Variants in LPP observed in about 807,000 individuals in gnomAD.
LPP encodes lipoma-preferred partner.
A neutral mutation model predicts 60.4 loss-of-function variants in LPP; 38 were observed. That is an observed-to-expected ratio of 0.63 (90% CI 0.49 to 0.83). LPP has a LOEUF of 0.83. Among genes scored for constraint, LPP ranks in the 40% least tolerant of loss-of-function variants. The probability of loss-of-function intolerance (pLI) is 0.00; values close to 1 mark genes in which losing one functional copy is unlikely to be tolerated. For missense variants in LPP, 902 were observed against 783.6 expected (o/e 1.15, Z -1.80); for synonymous variants, 328 against 290.8 (o/e 1.13, Z -1.30).
Position 188,497,552 on chromosome 3 carries a change from G to A in LPP, c.306+12848G>A, listed in dbSNP as rs367845922. 6.9e-4 allele frequency among the ~76,000 whole-genome samples: 105 copies of A among 152,276 alleles called. 4 individuals carry two copies. The South Asian group carries it at 0.021, about 30-fold the overall frequency. ...AGAATGAGAAACTATCCCCTGAATA[G>A]AGATTTAGTGATTCAAGCCATCACT... On this transcript the variant is annotated intron_variant, in intron 5 of 11. Coordinates refer to ENST00000617246, the MANE Select transcript of LPP (RefSeq NM_001375462.1).
chr3:188,510,843 A>G (rs1815252920), intron 5 of LPP, among the ~76,000 whole-genome samples: 1 of 152,158 alleles, frequency 6.6e-6, no homozygotes, highest in Non-Finnish European at 1.5e-5. Flanking sequence ...CTGTCGCCAT[A>G]TAGCTCTCTC....
intron 5 of LPP, 43 bp downstream of exon 5, chr3:188,484,747 TA>T (rs758051167): frequency 8.9e-6 from 13 of 1,453,030 alleles, no homozygotes; most frequent in African/African-American, 1.4e-5. Context: ...GAGCTGAAGT[TA>T]AAGTCATGTT....
chr3:188,225,378 T>G lies in LPP; in HGVS notation c.-189-27T>G, dbSNP rs1189216015. 7 of 152,162 alleles carry G rather than the reference T, an allele frequency of 4.6e-5. No individual in the cohort carries two copies. The South Asian group carries it at 1.4e-3, about 31-fold the overall frequency. 9.4% of individuals were successfully genotyped at this position (152,162 alleles called of 1,614,324 possible). ...AGCTGGTTAAGACCCTAGAGATACA[T>G]AAGCAACACCCTTCTGTTTTTCATA... On this transcript the variant is annotated intron_variant, in intron 1 of 11. Transcript: ENST00000617246.
At chr3:188,192,725 C>T (rs1227758126) in intron 1 of LPP, among the ~76,000 whole-genome samples, 1 of 152,162 alleles carries the variant, frequency 6.6e-6, no homozygotes, top group Non-Finnish European at 1.5e-5. Flanking sequence ...CACTGTATGG[C>T]CTCTCTCTCC....
At chr3:188,277,395 G>T (rs1294377262) in intron 2 of LPP, among the ~76,000 whole-genome samples, 1 of 152,106 alleles carries the variant, frequency 6.6e-6, no homozygotes, top group East Asian at 1.9e-4. Context: ...CATCTCTCAG[G>T]AAATATTCCT....
intron 1 of LPP, among the ~76,000 whole-genome samples, chr3:188,224,437 C>T (rs1463073605): frequency 6.6e-6 from 1 of 152,102 alleles, no homozygotes; most frequent in Non-Finnish European, 1.5e-5. Context: ...TGTCTGTTGG[C>T]ATACATACTG....
At chr3:188,191,566 G>A (rs927173665) in intron 1 of LPP, among the ~76,000 whole-genome samples, 2 of 152,154 alleles carry the variant, frequency 1.3e-5, no homozygotes, top group Non-Finnish European at 2.9e-5. Flanking sequence ...TTGGGTAACT[G>A]TGGAAACTGG....
intron 3 of LPP, among the ~76,000 whole-genome samples, chr3:188,343,999 C>G (rs1181264223): frequency 6.6e-6 from 1 of 152,216 alleles, no homozygotes; most frequent in Non-Finnish European, 1.5e-5. Context: ...TTCTCTGTCC[C>G]ATTTCCAAAC....
intron 3 of LPP, among the ~76,000 whole-genome samples, chr3:188,399,659 T>G (rs1407920115): frequency 2.6e-5 from 4 of 152,302 alleles, no homozygotes; most frequent in African/African-American, 9.6e-5. Flanking sequence ...TCTAAGTCAA[T>G]TATTCTCAAC....
intron 4 of LPP, among the ~76,000 whole-genome samples, chr3:188,443,143 C>A (rs1274327753): frequency 6.6e-6 from 1 of 152,192 alleles, no homozygotes; most frequent in Non-Finnish European, 1.5e-5. Flanking sequence ...TTATTACCAA[C>A]ACCTGTACAC....
chr3:188,213,238 G>A (rs891619328), intron 1 of LPP, among the ~76,000 whole-genome samples: 13 of 152,186 alleles, frequency 8.5e-5, no homozygotes, highest in African/African-American at 2.9e-4. Flanking sequence ...AAATGTTGAT[G>A]TGTAGCATTT....
chr3:188,737,957 A>G (rs1390296604), intron 8 of LPP, among the ~76,000 whole-genome samples: 4 of 152,132 alleles, frequency 2.6e-5, no homozygotes, highest in Non-Finnish European at 5.9e-5. Context: ...TCAACATGCT[A>G]TCATATGCTT....
intron 3 of LPP, among the ~76,000 whole-genome samples, chr3:188,395,359 G>C (rs540452603): frequency 1.1e-3 from 168 of 152,052 alleles, no homozygotes; most frequent in Non-Finnish European, 2.1e-3. Context: ...GCTGGGATTA[G>C]AGAGGCGAGC....
At chr3:188,232,784 G>A (rs1479931) in intron 2 of LPP, among the ~76,000 whole-genome samples, 106,114 of 151,938 alleles carry the variant, frequency 0.7, 38,374 homozygotes, top group African/African-American at 0.89. Flanking sequence ...AGACTGTCAC[G>A]TTAGTCACTG....
At position 188,879,422 on chromosome 3, in the gene LPP, A is replaced by G. The variant is rs2152076181; in HGVS notation, c.*4943A>G. ...TAAGGGGAAGGCTACCAGAAAATAT[A>G]TGTGGCATCCATAAAATCTTCTTTT... is the stretch of plus-strand genomic sequence containing the variant. On this transcript the variant is annotated 3_prime_UTR_variant, in exon 12 of 12. Coordinates refer to ENST00000617246, the MANE Select transcript of LPP (RefSeq NM_001375462.1). 2 of 212,522 alleles carry G rather than the reference A, an allele frequency of 9.4e-6. No individual in the cohort carries two copies. The highest frequency in any genetic ancestry group is 7.1e-5 in the East Asian group (1 of 14,124). 13.2% of individuals were successfully genotyped at this position (212,522 alleles called of 1,614,324 possible).
Position 188,334,533 on chromosome 3 carries a change from C to T in LPP, c.-66-7130C>T, listed in dbSNP as rs528008463. 4.7e-4 allele frequency among the ~76,000 whole-genome samples: 70 copies of T among 149,494 alleles called. 1 individual carries two copies. The South Asian group carries it at 0.012, about 26-fold the overall frequency. ...CGCCTCCTGGCCTCCTGGGTTCAAG[C>T]GTTTCTCCTGCCTCAGCCTCCCGAG... On this transcript the variant is annotated intron_variant, in intron 2 of 11. Coordinates refer to ENST00000617246, the MANE Select transcript of LPP (RefSeq NM_001375462.1).
chr3:188,765,569 G>A (rs563915595), intron 9 of LPP, among the ~76,000 whole-genome samples: 3 of 152,224 alleles, frequency 2.0e-5, no homozygotes, highest in South Asian at 4.1e-4. Flanking sequence ...AGATCATGGG[G>A]AGATTATTAG....
chr3:188,534,888 A>G (rs951258814), intron 6 of LPP, among the ~76,000 whole-genome samples: 1 of 152,232 alleles, frequency 6.6e-6, no homozygotes, highest in Admixed American at 6.5e-5. Flanking sequence ...ATTGGAATGT[A>G]ACTGCTAAGG....
At chr3:188,336,541 C>A (rs966282203) in intron 2 of LPP, among the ~76,000 whole-genome samples, 4 of 152,116 alleles carry the variant, frequency 2.6e-5, no homozygotes, top group African/African-American at 9.7e-5. Context: ...GATTCTTGAC[C>A]CCTGGATGTT....
Sources: gnomAD v4.1 joint callset for allele counts (sites outside exome capture counted in the v4.1 genomes callset) on GRCh38, gnomAD v4.1.1 for gene constraint, MANE v1.5 for transcripts, NCBI Gene and HGNC (gene_info 2026-07-23, HGNC 2026-07-21) for gene names.